TEAD4: variants seen among roughly 807,000 people sequenced by gnomAD.
TEAD4 encodes transcriptional enhancer factor TEF-3.
In TEAD4, 36 loss-of-function variants were observed where a neutral mutation model predicts 52.4. The observed-to-expected ratio is 0.69, with a 90% CI of 0.53 to 0.91. TEAD4 has a LOEUF of 0.91. Among genes scored for constraint, TEAD4 ranks in the 40% least tolerant of loss-of-function variants. TEAD4 has a pLI of 0.00. For synonymous variants in TEAD4, 220 were observed against 231.0 expected (o/e 0.95, Z 0.43); for missense variants, 508 against 583.9 (o/e 0.87, Z 1.34).
In TEAD4 at chr12:2,968,385, CTTTTTTTTTTTTT is replaced by C. The variant is rs61672018; in HGVS notation, c.-30+8360_-30+8372del. On this transcript the variant is annotated intron_variant, in intron 2 of 12. Transcript: ENST00000359864. ...ACAGGTGTGAGCCACCGCGCCCGGC[CTTTTTTTTTTTTT>C]TTTTTTTTTTTTTTGTGAGACAGGG... Among the ~76,000 whole-genome samples, 85 of 55,064 alleles carry C rather than the reference CTTTTTTTTTTTTT, an allele frequency of 1.5e-3. 2 individuals are homozygous for C. The highest frequency in any genetic ancestry group is 4.8e-3 in the African/African-American group (73 of 15,058). The allele number at this position is 55,064 out of a possible 152,430, so 36.1% of individuals were successfully genotyped here.
chr12:3,000,513 T>C (rs3825368), intron 3 of TEAD4, among the ~76,000 whole-genome samples: 107,237 of 151,804 alleles, frequency 0.71, 41,476 homozygotes, highest in Non-Finnish European at 0.87. Flanking sequence ...CTCTGTTAGC[T>C]CATTAATCCC....
At chr12:3,011,172 G>A in intron 4 of TEAD4, 104 bp downstream of exon 4, 1 of 1,169,326 alleles carries the variant, frequency 8.6e-7, no homozygotes, top group Non-Finnish European at 1.3e-6. Context: ...GGCTTTTGAG[G>A]GGCGGCAGCT....
In TEAD4 at chr12:3,021,834, C is replaced by T. The variant is rs369060533; in HGVS notation, c.724-10C>T. On this transcript the variant is annotated splice_polypyrimidine_tract_variant and intron_variant, in intron 9 of 12. Transcript: ENST00000359864. ...GTGCTCCGTCTCCCTCAGACCCACT[C>T]TCTCCACAGTACAACAAGCACCTGT... 1.2e-6 allele frequency: 2 copies of T among 1,613,370 alleles called. No homozygotes were observed. The highest frequency in any genetic ancestry group is 1.7e-6 in the Non-Finnish European group (2 of 1,179,492).
At chr12:2,967,645 G>GA (rs1299660431) in intron 2 of TEAD4, among the ~76,000 whole-genome samples, 1 of 152,186 alleles carries the variant, frequency 6.6e-6, no homozygotes, top group Non-Finnish European at 1.5e-5. Context: ...GTTTTGGGCT[G>GA]AAAAACGAAG....
chr12:2,974,285 A>G (rs1377880491), intron 2 of TEAD4, among the ~76,000 whole-genome samples: 1 of 152,134 alleles, frequency 6.6e-6, no homozygotes, highest in Non-Finnish European at 1.5e-5. Context: ...TTACAGGCGT[A>G]AGCCACCGTG....
At chr12:3,025,343 A>T (rs536799161) in intron 10 of TEAD4, among the ~76,000 whole-genome samples, 1 of 152,186 alleles carries the variant, frequency 6.6e-6, no homozygotes, top group East Asian at 1.9e-4. Flanking sequence ...TATTGGTATA[A>T]CCCCTTCATT....
intron 11 of TEAD4, among the ~76,000 whole-genome samples, chr12:3,039,665 T>C (rs2098281482): frequency 6.6e-6 from 1 of 152,148 alleles, no homozygotes; most frequent in Non-Finnish European, 1.5e-5. Flanking sequence ...TCTTGTTTAA[T>C]GTCCACCAAC....
At position 2,988,870 on chromosome 12, in the gene TEAD4, G is replaced by C. The variant is rs781562161; in HGVS notation, c.-29-5868G>C. Among the ~76,000 whole-genome samples the C allele has an allele frequency of 5.9e-4, 90 of 152,202 alleles. 1 individual carries two copies. Among genetic ancestry groups the C allele is most frequent in the Non-Finnish European group, 4.0e-4 (27 of 68,026 alleles). On this transcript the variant is annotated intron_variant, in intron 2 of 12. Coordinates refer to ENST00000359864, the MANE Select transcript of TEAD4 (RefSeq NM_003213.4). ...GAAAGCTGAACGGGTGGAGGGACCTGAAGGGTGGCGTACCCAGGAGAGAAC... is the reference window on the plus strand; with the variant it reads ...GAAAGCTGAACGGGTGGAGGGACCTCAAGGGTGGCGTACCCAGGAGAGAAC...
chr12:2,993,787 T>C (rs1038070342), intron 2 of TEAD4, among the ~76,000 whole-genome samples: 4 of 152,196 alleles, frequency 2.6e-5, no homozygotes, highest in Non-Finnish European at 5.9e-5. Context: ...CTAATGTGAC[T>C]GCTTAGATAC....
intron 2 of TEAD4, among the ~76,000 whole-genome samples, chr12:2,981,120 T>G (rs1360368251): frequency 6.6e-6 from 1 of 152,194 alleles, no homozygotes. Context: ...AACTGGCACC[T>G]CCTAGTGTTA....
intron 3 of TEAD4, among the ~76,000 whole-genome samples, chr12:3,010,534 C>T (rs540831774): frequency 6.6e-6 from 1 of 152,242 alleles, no homozygotes; most frequent in Non-Finnish European, 1.5e-5. Flanking sequence ...TGCCTGCAGA[C>T]AGGACAAGAA....
At chr12:2,972,491 CT>C (rs751852771) in intron 2 of TEAD4, among the ~76,000 whole-genome samples, 1,390 of 34,782 alleles carry the variant, frequency 0.04, 22 homozygotes, top group African/African-American at 0.15. Flanking sequence ...CAGCATGTCT[CT>C]TTTTTTTTTT....
chr12:3,026,205 AT>A (rs2098271995), intron 10 of TEAD4, among the ~76,000 whole-genome samples: 1 of 151,624 alleles, frequency 6.6e-6, no homozygotes, highest in South Asian at 2.1e-4. Context: ...CCATTTCTTT[AT>A]TTTCTTGGAC....
In TEAD4 at chr12:2,986,120, CAG is replaced by C. The variant is rs1479969059; in HGVS notation, c.-29-8614_-29-8613del. ...AAAAACTAAAAAAAAATAATAAAAA[CAG>C]AGACAAACGCACACATTAGGCCTGC... is the stretch of plus-strand genomic sequence containing the variant. On this transcript the variant is annotated intron_variant, in intron 2 of 12. Transcript: ENST00000359864. Among the ~76,000 whole-genome samples, 6 of 152,068 alleles carry C rather than the reference CAG, an allele frequency of 3.9e-5. No homozygotes were observed. In the South Asian group the frequency reaches 1.3e-3, roughly 32 times the overall value.
chr12:3,039,791 G>A (rs746791567), intron 11 of TEAD4, among the ~76,000 whole-genome samples: 7 of 152,200 alleles, frequency 4.6e-5, no homozygotes, highest in African/African-American at 9.7e-5. Flanking sequence ...GGGTTCAAGC[G>A]ATTCTCCTGC....
chr12:3,030,952 C>T (rs938409720), intron 10 of TEAD4, among the ~76,000 whole-genome samples: 3 of 152,202 alleles, frequency 2.0e-5, no homozygotes, highest in Non-Finnish European at 4.4e-5. Flanking sequence ...TTAACTCTGG[C>T]ACCCAGACTG....
intron 5 of TEAD4, among the ~76,000 whole-genome samples, chr12:3,015,833 A>G (rs1022071496): frequency 7.9e-5 from 12 of 151,886 alleles, no homozygotes; most frequent in Non-Finnish European, 1.6e-4. Flanking sequence ...ATCCAGGTCT[A>G]CCAAGTTAAT....
At chr12:3,017,930 T>C (rs1434408693) in intron 6 of TEAD4, among the ~76,000 whole-genome samples, 1 of 152,208 alleles carries the variant, frequency 6.6e-6, no homozygotes, top group Non-Finnish European at 1.5e-5. Context: ...GGTGGAGAGC[T>C]GGTGCCCCAA....
chr12:3,012,161 C>T lies in TEAD4; in HGVS notation c.292-9C>T, dbSNP rs2098260822. 1 of 1,613,904 alleles carries T rather than the reference C, an allele frequency of 6.2e-7. No homozygotes were observed. The highest frequency in any genetic ancestry group is 8.5e-7 in the Non-Finnish European group (1 of 1,179,886). ...AGGTAGAGACAGGAGTCCTCTCTCCCTGCCACAGGTCTCCAGCCACATCCA... is the reference window on the plus strand; with the variant it reads ...AGGTAGAGACAGGAGTCCTCTCTCCTTGCCACAGGTCTCCAGCCACATCCA... On this transcript the variant is annotated splice_polypyrimidine_tract_variant and intron_variant, in intron 4 of 12. Transcript: ENST00000359864.
Sources: gnomAD v4.1 joint callset for allele counts (sites outside exome capture counted in the v4.1 genomes callset) on GRCh38, gnomAD v4.1.1 for gene constraint, MANE v1.5 for transcripts, NCBI Gene and HGNC (gene_info 2026-07-23, HGNC 2026-07-21) for gene names.